The following ADARB2 variants were observed in gnomAD, a reference collection of about 807,000 sequenced individuals.
The protein encoded by ADARB2 is inactive double-stranded RNA-specific editase B2.
ADARB2 carries 25 observed loss-of-function variants against 62.2 expected under a neutral mutation model. The ratio of observed to expected loss-of-function variants is 0.40; its 90% CI spans 0.29 to 0.56. The LOEUF is 0.56. Among genes scored for constraint, ADARB2 ranks in the 20% least tolerant of loss-of-function variants. The pLI is 0.43. For missense variants in ADARB2, 1,071 were observed against 1,077.4 expected (o/e 0.99, Z 0.08); for synonymous variants, 572 against 500.8 (o/e 1.14, Z -1.90).
Position 1,426,939 on chromosome 10 carries a change from C to T in ADARB2, c.101-47779G>A, listed in dbSNP as rs139787898. On this transcript the variant is annotated intron_variant, in intron 1 of 9. Coordinates refer to ENST00000381312, the MANE Select transcript of ADARB2 (RefSeq NM_018702.4). The surrounding 1 kb of genome is among the most constrained non-coding windows in gnomAD (Gnocchi z 4.1). ...GGAGGACCCCTGTCCCCAAACCCTG[C>T]CCATCGGGAAGAGGCCACAGAGCTA... Among the ~76,000 whole-genome samples, 489 of 152,374 alleles carry T rather than the reference C, an allele frequency of 3.2e-3. 1 individual carries two copies. Among genetic ancestry groups the T allele is most frequent in the African/African-American group, 0.01 (436 of 41,590 alleles).
intron 1 of ADARB2, among the ~76,000 whole-genome samples, chr10:1,615,126 A>G (rs919517468): frequency 6.6e-6 from 1 of 152,132 alleles, no homozygotes; most frequent in Non-Finnish European, 1.5e-5. Context: ...TTTTTTTGCT[A>G]TTAGAAAATA....
At chr10:1,280,862 G>C (rs1320060864) in intron 3 of ADARB2, among the ~76,000 whole-genome samples, 1 of 152,152 alleles carries the variant, frequency 6.6e-6, no homozygotes, top group Non-Finnish European at 1.5e-5. Context: ...CTCCCTACAA[G>C]CTGGATTCAG....
In ADARB2 at chr10:1,327,517, CCATGGCACAGCGCCTCCT is replaced by C. The variant is rs1564258459; in HGVS notation, c.1077+35493_1077+35510del. On this transcript the variant is annotated intron_variant, in intron 3 of 9. Transcript: ENST00000381312. ...CGCCTCCTCACTGCCCAGCGCCTCCCCATGGCACAGCGCCTCCTCACTGCCCAGCGCCTCCTCACGGCC... is the reference window on the plus strand; with the variant it reads ...CGCCTCCTCACTGCCCAGCGCCTCCCCACTGCCCAGCGCCTCCTCACGGCC... Among the ~76,000 whole-genome samples the C allele has an allele frequency of 6.2e-4, 21 of 33,874 alleles. 4 individuals carry two copies. Among genetic ancestry groups the C allele is most frequent in the African/African-American group, 2.8e-3 (19 of 6,878 alleles). The allele number at this position is 33,874 out of a possible 152,430, so 22.2% of individuals were successfully genotyped here. A position where few individuals can be genotyped will look rare whatever the true frequency, so the allele number is the denominator to read the frequency against.
intron 1 of ADARB2, among the ~76,000 whole-genome samples, chr10:1,401,123 C>T (rs929213109): frequency 6.6e-6 from 1 of 152,142 alleles, no homozygotes; most frequent in South Asian, 2.1e-4. Flanking sequence ...CATTGTGTGT[C>T]CCGGCAGCCA....
At chr10:1,619,720 G>T (rs898935747) in intron 1 of ADARB2, among the ~76,000 whole-genome samples, 6 of 152,110 alleles carry the variant, frequency 3.9e-5, no homozygotes, top group African/African-American at 1.4e-4. Context: ...AAAGTGCTGG[G>T]ATTACAGGCA....
Position 1,669,937 on chromosome 10 carries a change from CACACACAGACACATGCAG to C in ADARB2, c.100+67096_100+67113del, listed in dbSNP as rs1296531526. Among the ~76,000 whole-genome samples, 11 of 152,084 alleles carry C rather than the reference CACACACAGACACATGCAG, an allele frequency of 7.2e-5. No individual in the cohort carries two copies. The East Asian group carries it at 1.7e-3, about 24-fold the overall frequency. The stretch of plus-strand genomic sequence containing the variant: ...ATAGAGAGATGCACACAGACACAAA[CACACACAGACACATGCAG>C]ACACACAGACACATGCAGACTTGCA... On this transcript the variant is annotated intron_variant, in intron 1 of 9. Transcript: ENST00000381312.
At chr10:1,646,672 T>G (rs1325055450) in intron 1 of ADARB2, among the ~76,000 whole-genome samples, 1 of 152,260 alleles carries the variant, frequency 6.6e-6, no homozygotes, top group African/African-American at 2.4e-5. Flanking sequence ...CAGTCCCTTC[T>G]AGTCCTAAAT....
intron 3 of ADARB2, among the ~76,000 whole-genome samples, chr10:1,351,672 C>G (rs1832142361): frequency 6.6e-6 from 1 of 152,050 alleles, no homozygotes; most frequent in Non-Finnish European, 1.5e-5. Context: ...TCATGCACCC[C>G]TCACCATCCC....
chr10:1,182,999 C>T lies in ADARB2; in HGVS notation c.*194G>A, dbSNP rs1256564700. The T allele has an allele frequency of 4.6e-6, 3 of 646,260 alleles. No homozygotes were observed. In the African/African-American group the frequency reaches 5.5e-5, roughly 12 times the overall value. The allele number at this position is 646,260 out of a possible 1,614,324, so 40.0% of individuals were successfully genotyped here. A position where few individuals can be genotyped will look rare whatever the true frequency, so the allele number is the denominator to read the frequency against. On this transcript the variant is annotated 3_prime_UTR_variant, in exon 10 of 10. Transcript: ENST00000381312. ...GCCCCTGGGTGTGGGGGACAGGGTT[C>T]TGGGGCCAGCGATCTGGAAAGAGGC...
intron 1 of ADARB2, among the ~76,000 whole-genome samples, chr10:1,683,748 C>A (rs1185318519): frequency 6.6e-6 from 1 of 152,222 alleles, no homozygotes; most frequent in Non-Finnish European, 1.5e-5. Context: ...GACATCATGA[C>A]TGTTTCTGAA....
chr10:1,486,944 G>A (rs1448848525), intron 1 of ADARB2, among the ~76,000 whole-genome samples: 4 of 152,204 alleles, frequency 2.6e-5, no homozygotes, highest in Admixed American at 1.3e-4. Context: ...GAGAACACGC[G>A]AATCTCTGTT....
chr10:1,195,658 T>G (rs1462167462), intron 8 of ADARB2, among the ~76,000 whole-genome samples: 1 of 152,078 alleles, frequency 6.6e-6, no homozygotes, highest in Non-Finnish European at 1.5e-5. Flanking sequence ...AGCCTGAGGC[T>G]TCTGAATCCA....
intron 1 of ADARB2, among the ~76,000 whole-genome samples, chr10:1,537,583 C>T (rs11250601): frequency 0.059 from 9,013 of 152,268 alleles, 392 homozygotes; most frequent in Non-Finnish European, 0.087. Flanking sequence ...CAATGATAGA[C>T]TGAACAAAGA....
At chr10:1,544,310 G>T (rs1832486096) in intron 1 of ADARB2, among the ~76,000 whole-genome samples, 1 of 152,226 alleles carries the variant, frequency 6.6e-6, no homozygotes, top group African/African-American at 2.4e-5. Context: ...GTCACCACCT[G>T]GTGGGCAGCA....
chr10:1,385,239 A>C (rs1429965243), intron 1 of ADARB2, among the ~76,000 whole-genome samples: 1 of 152,208 alleles, frequency 6.6e-6, no homozygotes, highest in African/African-American at 2.4e-5. Context: ...ATGATAGAGT[A>C]ATAGTAATGA....
chr10:1,576,853 G>C (rs1189131750), intron 1 of ADARB2, among the ~76,000 whole-genome samples: 1 of 135,900 alleles, frequency 7.4e-6, no homozygotes, highest in African/African-American at 2.9e-5. Context: ...GATTCAGTCT[G>C]CTGTGTGGCC....
chr10:1,504,711 A>T (rs909572617), intron 1 of ADARB2, among the ~76,000 whole-genome samples: 1 of 152,228 alleles, frequency 6.6e-6, no homozygotes, highest in Non-Finnish European at 1.5e-5. Flanking sequence ...AATGACCTTG[A>T]AGTAAAATTT....
At chr10:1,379,488 C>A (rs561878726) in intron 1 of ADARB2, among the ~76,000 whole-genome samples, 1 of 152,310 alleles carries the variant, frequency 6.6e-6, no homozygotes, top group African/African-American at 2.4e-5. Context: ...TAGGGCAGAG[C>A]CTTCTGTCGA....
intron 1 of ADARB2, among the ~76,000 whole-genome samples, chr10:1,471,302 C>T (rs1274307414): frequency 1.3e-5 from 2 of 152,200 alleles, no homozygotes; most frequent in African/African-American, 2.4e-5. Context: ...ACTCTGTCTC[C>T]GTGTGTCCAC....
Sources: allele counts gnomAD v4.1 joint callset (sites outside exome capture counted in the v4.1 genomes callset), GRCh38; gene constraint gnomAD v4.1.1; non-coding constraint Gnocchi (gnomAD v3.1); transcripts MANE v1.5; gene names NCBI Gene and HGNC (gene_info 2026-07-23, HGNC 2026-07-21).